Variants in ANK2 observed in about 807,000 individuals in gnomAD.
ANK2 encodes the protein ankyrin-2.
Under a neutral mutation model 360.5 loss-of-function variants are expected in ANK2, and 83 were observed. The ratio of observed to expected loss-of-function variants is 0.23; its 90% CI spans 0.19 to 0.28. ANK2 has a LOEUF of 0.28. ANK2 is among the 10% of genes least tolerant of loss of function. ANK2 has a pLI of 1.00. For missense variants in ANK2, 4,201 were observed against 4,795.7 expected, an observed-to-expected ratio of 0.88 and a Z score of 3.66; for synonymous variants, 1,740 against 1,759.5, an observed-to-expected ratio of 0.99 and a Z score of 0.28.
At chr4:112,830,791 G>T (rs988713827) in intron 1 of ANK2, among the ~76,000 whole-genome samples, 6 of 152,164 alleles carry the variant, frequency 3.9e-5, no homozygotes, top group Non-Finnish European at 7.4e-5. Context: ...CCCTCTGCTT[G>T]CAGGGAGGTG....
At chr4:113,006,535 A>G (rs963871190) in intron 2 of ANK2, among the ~76,000 whole-genome samples, 1 of 152,150 alleles carries the variant, frequency 6.6e-6, no homozygotes. Context: ...TTGTTAGAAA[A>G]TGTGGAGAAA....
the ANK2 span, chr4:112,706,928 A>G: frequency 6.6e-6 from 1 of 152,174 alleles, no homozygotes. Context: ...GGAGTACTCC[A>G]TCTGGTTGTG....
At chr4:113,178,827 G>T (rs1414616502) in intron 2 of ANK2, among the ~76,000 whole-genome samples, 6 of 152,136 alleles carry the variant, frequency 3.9e-5, no homozygotes, top group Non-Finnish European at 8.8e-5. Flanking sequence ...GGCCCACAGT[G>T]GTTAAGTGAC....
intron 2 of ANK2, among the ~76,000 whole-genome samples, chr4:112,961,823 C>A (rs567275189): frequency 1.3e-5 from 2 of 152,198 alleles, no homozygotes; most frequent in East Asian, 3.9e-4. Context: ...GGTTCTCAAC[C>A]CTGTCTGCCC....
chr4:112,904,632 G>T, intron 2 of ANK2: 1 of 703,342 alleles, frequency 1.4e-6, no homozygotes, highest in Non-Finnish European at 2.3e-6. Flanking sequence ...ATTTAAAGAT[G>T]TTATAGCATT....
intron 1 of ANK2, among the ~76,000 whole-genome samples, chr4:112,864,609 C>A (rs764346179): frequency 9.2e-5 from 14 of 151,782 alleles, no homozygotes; most frequent in Non-Finnish European, 1.3e-4. Context: ...GGCGCCCGGC[C>A]GGTAAGGATT....
intron 15 of ANK2, 73 bp downstream of exon 15, chr4:113,274,722 A>G (rs2059615784): frequency 6.6e-7 from 1 of 1,506,834 alleles, no homozygotes; most frequent in South Asian, 1.2e-5. Context: ...TCTACCACAT[A>G]CAGAATCAAG....
chr4:113,044,427 A>G (rs1247331057), intron 2 of ANK2, among the ~76,000 whole-genome samples: 2 of 152,222 alleles, frequency 1.3e-5, no homozygotes, highest in Non-Finnish European at 2.9e-5. Context: ...TCTACAGGTT[A>G]GAACTAAATC....
At chr4:112,884,748 A>C (rs1013896511) in intron 1 of ANK2, among the ~76,000 whole-genome samples, 2 of 152,164 alleles carry the variant, frequency 1.3e-5, no homozygotes, top group Non-Finnish European at 2.9e-5. Flanking sequence ...CCTGCTGGGA[A>C]CACTTTCTGT....
intron 28 of ANK2, among the ~76,000 whole-genome samples, chr4:113,332,426 A>T (rs2153937221): frequency 6.6e-6 from 1 of 152,340 alleles, no homozygotes; most frequent in African/African-American, 2.4e-5. Flanking sequence ...TTGAGAACGA[A>T]TGTGACCTAA....
At chr4:112,937,624 G>A (rs1273002308) in intron 2 of ANK2, among the ~76,000 whole-genome samples, 1 of 152,160 alleles carries the variant, frequency 6.6e-6, no homozygotes, top group Non-Finnish European at 1.5e-5. Context: ...CACCGCGCCC[G>A]GCCTTATTAC....
intron 1 of ANK2, among the ~76,000 whole-genome samples, chr4:112,820,020 A>G (rs1264079803): frequency 6.6e-6 from 1 of 152,196 alleles, no homozygotes; most frequent in Admixed American, 6.5e-5. Flanking sequence ...CACAAAACTG[A>G]AGAGGCCTGA....
At chr4:112,983,514 TA>T (rs920922722) in intron 2 of ANK2, among the ~76,000 whole-genome samples, 18 of 148,014 alleles carry the variant, frequency 1.2e-4, no homozygotes, top group Middle Eastern at 3.5e-3. Context: ...CTGTCTCTAC[TA>T]AAAAAAAAAT....
chr4:113,133,652 T>TGG (rs1450516015), intron 1 of ANK2, among the ~76,000 whole-genome samples: 2 of 152,152 alleles, frequency 1.3e-5, no homozygotes, highest in African/African-American at 4.8e-5. Flanking sequence ...AAAAAAATAA[T>TGG]GGAGTTGAGG....
intron 1 of ANK2, among the ~76,000 whole-genome samples, chr4:113,053,148 T>C (rs540459355): frequency 9.2e-5 from 14 of 152,238 alleles, no homozygotes; most frequent in African/African-American, 3.1e-4. Flanking sequence ...CTTTGAGAAA[T>C]TTTTTATGTT....
intron 2 of ANK2, among the ~76,000 whole-genome samples, chr4:113,030,455 C>A (rs1052607424): frequency 6.6e-6 from 1 of 152,034 alleles, no homozygotes; most frequent in African/African-American, 2.4e-5. Context: ...CAGATTTGTC[C>A]TTGATGCTCA....
At chr4:113,022,636 T>C (rs1340983821) in intron 2 of ANK2, among the ~76,000 whole-genome samples, 1 of 152,240 alleles carries the variant, frequency 6.6e-6, no homozygotes, top group African/African-American at 2.4e-5. Flanking sequence ...ATTCTATTAA[T>C]CTTGCTGACA....
intron 2 of ANK2, among the ~76,000 whole-genome samples, chr4:113,015,681 C>A (rs1462704264): frequency 6.6e-6 from 1 of 152,122 alleles, no homozygotes; most frequent in East Asian, 1.9e-4. Flanking sequence ...ACATATGGTG[C>A]CATTTCACAA....
chr4:112,706,480 A>G, the ANK2 span, among the ~76,000 whole-genome samples: 3 of 152,100 alleles, frequency 2.0e-5, no homozygotes, highest in Admixed American at 2.0e-4. Context: ...TTCTGAACGC[A>G]CGCACACTCA....
Sources: allele counts gnomAD v4.1 joint callset (sites outside exome capture counted in the v4.1 genomes callset), GRCh38; gene constraint gnomAD v4.1.1; transcripts MANE v1.5; gene names NCBI Gene and HGNC (gene_info 2026-07-23, HGNC 2026-07-21).